PLSCR5: variants seen among roughly 807,000 people sequenced by gnomAD.
The protein encoded by PLSCR5 is phospholipid scramblase family, member 5.
Under a neutral mutation model 33.6 loss-of-function variants are expected in PLSCR5, and 44 were observed. The observed-to-expected ratio is 1.31, with a 90% CI of 1.03 to 1.69. The LOEUF (loss-of-function observed/expected upper bound fraction) is 1.69. PLSCR5 is among the 40% of genes most tolerant of loss of function. The pLI, the probability that PLSCR5 is intolerant of heterozygous loss-of-function variation, is 0.00. For synonymous variants in PLSCR5, 148 were observed against 112.3 expected (o/e 1.32, Z -2.01); for missense variants, 375 against 318.7 (o/e 1.18, Z -1.34).
chr3:146,597,308 G>A lies in PLSCR5; in HGVS notation c.190-2225C>T, dbSNP rs995147303. Among the ~76,000 whole-genome samples the A allele has an allele frequency of 2.6e-5, 4 of 152,140 alleles. No homozygotes were observed. The East Asian group carries it at 7.7e-4, about 29-fold the overall frequency. ...TTTAATCCTCACAAAAACTCAGAGA[G>A]ATAAATATCATTAATTTTAAATGTG... On this transcript the variant is annotated intron_variant, in intron 2 of 7. Coordinates refer to ENST00000443512, the MANE Select transcript of PLSCR5 (RefSeq NM_001085420.2).
At chr3:146,591,663 T>C (rs2044715490) in intron 5 of PLSCR5, 57 bp downstream of exon 5, 2 of 1,503,682 alleles carry the variant, frequency 1.3e-6, no homozygotes, top group African/African-American at 1.4e-5. Context: ...AATTGAATTA[T>C]GTTGCAAAAA....
rs1193144507 is a variant in PLSCR5 at position 146,592,003 on chromosome 3, C to T, written c.454-122G>A. The T allele has an allele frequency of 3.5e-6, 3 of 855,424 alleles. No individual in the cohort carries two copies. The East Asian group carries it at 8.4e-5, about 24-fold the overall frequency. The allele number at this position is 855,424 out of a possible 1,614,324, so 53.0% of individuals were successfully genotyped here. ...AAAATTATTTTGATATTCTACAAATCATTCTAAATACCTGCTTCTAAGGAT... is the reference window on the plus strand; with the variant it reads ...AAAATTATTTTGATATTCTACAAATTATTCTAAATACCTGCTTCTAAGGAT... On this transcript the variant is annotated intron_variant, in intron 4 of 7. Coordinates refer to ENST00000443512, the MANE Select transcript of PLSCR5 (RefSeq NM_001085420.2).
At chr3:146,584,191 G>T (rs2044651311), downstream of PLSCR5, among the ~76,000 whole-genome samples, 1 of 152,120 alleles carries the variant, frequency 6.6e-6, no homozygotes, top group African/African-American at 2.4e-5. Flanking sequence ...AGCTTTAAAA[G>T]TGTAATTTAC....
At chr3:146,601,797 A>C (rs2044818282) in intron 1 of PLSCR5, among the ~76,000 whole-genome samples, 1 of 152,112 alleles carries the variant, frequency 6.6e-6, no homozygotes, top group South Asian at 2.1e-4. Flanking sequence ...TTATCTTTTA[A>C]ATCTGTGAAA....
intron 2 of PLSCR5, 128 bp from the exon 3 acceptor site, chr3:146,595,211 A>G (rs994260988): frequency 1.1e-5 from 5 of 447,790 alleles, no homozygotes; most frequent in East Asian, 3.9e-5. Context: ...TATTAGGAAA[A>G]CAGTTGAAAA....
At position 146,589,790 on chromosome 3, in the gene PLSCR5, T is replaced by C; in HGVS notation, c.640A>G (p.Thr214Ala). Residue 214 changes from threonine to alanine, a missense_variant, in exon 6 of 8, where the codon ACA becomes GCA. Transcript: ENST00000443512. The part of the protein sequence containing the change: ...FEVKTINEKL[T>A]IGKISKYWSG... ...CAGTACTTTGAAATCTTCCCAATTG[T>C]AAGCTTTTCATTAATGGTTTTCACC... The C allele has an allele frequency of 6.4e-7, 1 of 1,554,974 alleles. No homozygotes were observed. Among genetic ancestry groups the C allele is most frequent in the Non-Finnish European group, 8.8e-7 (1 of 1,138,682 alleles).
At chr3:146,578,525 C>T (rs2044613613) in intron 7 of PLSCR5, among the ~76,000 whole-genome samples, 1 of 152,038 alleles carries the variant, frequency 6.6e-6, no homozygotes, top group African/African-American at 2.4e-5. Flanking sequence ...TTCCTGCCCA[C>T]TCATATTCTT....
At chr3:146,595,807 C>T (rs1404964189) in intron 2 of PLSCR5, among the ~76,000 whole-genome samples, 12 of 152,110 alleles carry the variant, frequency 7.9e-5, no homozygotes, top group African/African-American at 2.9e-4. Context: ...GATTTGAATG[C>T]CTGGCCTCTC....
At position 146,594,029 on chromosome 3, in the gene PLSCR5, G is replaced by C; in HGVS notation, c.344C>G (p.Thr115Ser). 1 of 1,613,840 alleles carries C rather than the reference G, an allele frequency of 6.2e-7. No individual in the cohort carries two copies. The highest frequency in any genetic ancestry group is 1.1e-5 in the South Asian group (1 of 91,088). Residue 115 changes from threonine (T) to serine (S), a missense_variant, in exon 4 of 8, where the codon ACT (threonine) becomes AGT (serine). Thr to Ser is a moderately conservative substitution (Grantham distance 58, BLOSUM62 1). Coordinates refer to ENST00000443512, the MANE Select transcript of PLSCR5 (RefSeq NM_001085420.2). Reference sequence around the variant, plus strand: ...GATCCTCAGGGTGCAAGATCGCAGAGTGGAACAGAAAGTACGATTGAAGCA... The same window carrying C: ...GATCCTCAGGGTGCAAGATCGCAGACTGGAACAGAAAGTACGATTGAAGCA... ...SICFNRTFCS[T>S]LRSCTLRITD...
chr3:146,600,365 A>T lies in PLSCR5; in HGVS notation c.112T>A (p.Trp38Arg). 1 of 1,609,894 alleles carries T rather than the reference A, an allele frequency of 6.2e-7. No individual in the cohort carries two copies. The highest frequency in any genetic ancestry group is 1.1e-5 in the South Asian group (1 of 90,280). Residue 38 changes from tryptophan to arginine, a missense_variant, in exon 2 of 8, where the codon TGG (tryptophan) becomes AGG (arginine). Trp to Arg is a moderately radical substitution (Grantham distance 101). Transcript: ENST00000443512. ...CTTGGCAGAGGGAGACTCAGCTGCC[A>T]TGCTTGGTTCCCTGGATTGGAAGAG... is the stretch of plus-strand genomic sequence containing the variant. ...PASSNPGNQA[W>R]QLSLPLPSSF... is the part of the protein sequence containing the mutation.
intron 7 of PLSCR5, among the ~76,000 whole-genome samples, chr3:146,577,136 T>G (rs1232997925): frequency 6.6e-6 from 1 of 152,108 alleles, no homozygotes; most frequent in East Asian, 1.9e-4. Flanking sequence ...CAACATACGA[T>G]AAGTTGATTT....
chr3:146,581,537 T>A (rs574465034), downstream of PLSCR5, among the ~76,000 whole-genome samples: 40 of 152,272 alleles, frequency 2.6e-4, no homozygotes, highest in South Asian at 7.9e-3. Context: ...GAATATAATA[T>A]CCCCAGTGCC....
chr3:146,583,067 C>A (rs566079453), downstream of PLSCR5, among the ~76,000 whole-genome samples: 1 of 152,118 alleles, frequency 6.6e-6, no homozygotes, highest in Non-Finnish European at 1.5e-5. Flanking sequence ...TCTTGAAAAA[C>A]CCTAGCCTTC....
chr3:146,582,577 C>G (rs2044639700), downstream of PLSCR5, among the ~76,000 whole-genome samples: 1 of 152,180 alleles, frequency 6.6e-6, no homozygotes, highest in Admixed American at 6.5e-5. Flanking sequence ...TATTAAACTG[C>G]TGCTCTAACC....
intron 2 of PLSCR5, among the ~76,000 whole-genome samples, chr3:146,599,484 A>G (rs2044791616): frequency 6.7e-6 from 1 of 149,242 alleles, no homozygotes; most frequent in Non-Finnish European, 1.5e-5. Context: ...TTTATCAGTC[A>G]TTTGTACACA....
chr3:146,601,607 A>G (rs573586361), intron 1 of PLSCR5, among the ~76,000 whole-genome samples: 2 of 152,298 alleles, frequency 1.3e-5, no homozygotes, highest in South Asian at 2.1e-4. Context: ...TGCATTGACA[A>G]CAAGTAGGAA....
At chr3:146,601,313 T>C (rs969451753) in intron 1 of PLSCR5, among the ~76,000 whole-genome samples, 1 of 152,138 alleles carries the variant, frequency 6.6e-6, no homozygotes, top group South Asian at 2.1e-4. Context: ...CTACTATTTT[T>C]TTCTTCTCAC....
intron 1 of PLSCR5, among the ~76,000 whole-genome samples, chr3:146,602,049 A>C (rs529376463): frequency 1.3e-5 from 2 of 152,306 alleles, no homozygotes; most frequent in African/African-American, 4.8e-5. Flanking sequence ...GGTTAGGACC[A>C]AATGGAATAA....
chr3:146,594,911 CT>C, intron 3 of PLSCR5, 129 bp downstream of exon 3: 2 of 459,464 alleles, frequency 4.4e-6, no homozygotes, highest in Non-Finnish European at 7.2e-6. Context: ...ACCTAGTACT[CT>C]TTTTGATCTA....
Sources: allele counts gnomAD v4.1 joint callset (sites outside exome capture counted in the v4.1 genomes callset), GRCh38; gene constraint gnomAD v4.1.1; transcripts MANE v1.5; gene names NCBI Gene and HGNC (gene_info 2026-07-23, HGNC 2026-07-21).